Variants in FAM222B observed in about 807,000 individuals in gnomAD.
The protein encoded by FAM222B is protein FAM222B.
FAM222B carries 12 observed loss-of-function variants against 38.0 expected under a neutral mutation model. The observed-to-expected ratio is 0.32, with a 90% CI of 0.20 to 0.51. FAM222B has a LOEUF of 0.51. FAM222B is among the 20% of genes least tolerant of loss of function. The probability of loss-of-function intolerance (pLI) is 0.97; values close to 1 mark genes in which losing one functional copy is unlikely to be tolerated. For missense variants in FAM222B, 716 were observed against 754.2 expected (o/e 0.95, Z 0.59); for synonymous variants, 329 against 317.2 (o/e 1.04, Z -0.40).
intron 1 of FAM222B, among the ~76,000 whole-genome samples, chr17:28,770,432 A>G (rs1177687715): frequency 2.0e-5 from 3 of 152,136 alleles, no homozygotes; most frequent in Admixed American, 2.0e-4. Flanking sequence ...TTTTCTTCAG[A>G]CAGCCTATCA....
intron 1 of FAM222B, among the ~76,000 whole-genome samples, chr17:28,852,790 G>A (rs1263671692): frequency 6.6e-6 from 1 of 152,162 alleles, no homozygotes; most frequent in African/African-American, 2.4e-5. Context: ...CAAGCATGGT[G>A]TCTCATGCCT....
chr17:28,775,181 A>T (rs2035827199), intron 1 of FAM222B, among the ~76,000 whole-genome samples: 1 of 151,392 alleles, frequency 6.6e-6, no homozygotes, highest in South Asian at 2.1e-4. Context: ...TTGTATTTTT[A>T]GTACAAACAG....
At chr17:28,808,198 T>C (rs1318841454) in intron 1 of FAM222B, among the ~76,000 whole-genome samples, 1 of 152,212 alleles carries the variant, frequency 6.6e-6, no homozygotes, top group African/African-American at 2.4e-5. Context: ...ATTGCCCTAT[T>C]AGTTACAAAA....
At chr17:28,789,110 C>A (rs1174833936) in intron 1 of FAM222B, among the ~76,000 whole-genome samples, 2 of 146,768 alleles carry the variant, frequency 1.4e-5, no homozygotes, top group Admixed American at 1.4e-4. Context: ...AAAACTAACA[C>A]CCCCCCGACA....
Position 28,791,001 on chromosome 17 carries a change from C to T in FAM222B, c.-40-24294G>A, listed in dbSNP as rs2036658303. Among the ~76,000 whole-genome samples the T allele has an allele frequency of 2.7e-5, 4 of 148,210 alleles. No individual in the cohort carries two copies. The Admixed American group carries it at 2.8e-4, about 10-fold the overall frequency. Reference sequence around the variant, plus strand: ...GCAAGCTCCGCCTCCCAGGTCCACGCCATTCTCCTGCCTGAGCCTCCTGAG... The same window carrying T: ...GCAAGCTCCGCCTCCCAGGTCCACGTCATTCTCCTGCCTGAGCCTCCTGAG... On this transcript the variant is annotated intron_variant, in intron 1 of 2. Coordinates refer to ENST00000581407, the MANE Select transcript of FAM222B (RefSeq NM_001077498.3).
chr17:28,766,412 G>A (rs560731862), intron 2 of FAM222B, among the ~76,000 whole-genome samples, 174 bp downstream of exon 2: 4 of 151,438 alleles, frequency 2.6e-5, no homozygotes, highest in Non-Finnish European at 4.4e-5. Flanking sequence ...AATCAAGATC[G>A]CGTCATTGCA....
At chr17:28,823,813 C>A (rs930622912) in intron 1 of FAM222B, among the ~76,000 whole-genome samples, 2 of 152,002 alleles carry the variant, frequency 1.3e-5, no homozygotes, top group Admixed American at 1.3e-4. Flanking sequence ...ATCCAACTGC[C>A]TATCTAATTT....
intron 1 of FAM222B, among the ~76,000 whole-genome samples, chr17:28,767,467 C>T (rs1597858442): frequency 6.7e-6 from 1 of 150,224 alleles, no homozygotes; most frequent in Non-Finnish European, 1.5e-5. Flanking sequence ...CATGAACTTA[C>T]ATTTATTTAC....
At chr17:28,851,551 G>A (rs1412785215) in intron 1 of FAM222B, among the ~76,000 whole-genome samples, 1 of 151,162 alleles carries the variant, frequency 6.6e-6, no homozygotes, top group Non-Finnish European at 1.5e-5. Flanking sequence ...AGACCAACCT[G>A]GGCAACATGG....
chr17:28,813,622 G>C (rs951883953), intron 1 of FAM222B, among the ~76,000 whole-genome samples: 1 of 151,694 alleles, frequency 6.6e-6, no homozygotes, highest in Admixed American at 6.6e-5. Flanking sequence ...CGCCTCCCAG[G>C]TTCATGCCAT....
chr17:28,809,378 G>T (rs1045392933), intron 1 of FAM222B, among the ~76,000 whole-genome samples: 3 of 151,280 alleles, frequency 2.0e-5, no homozygotes, highest in African/African-American at 4.9e-5. Flanking sequence ...AAGAGAGAGA[G>T]AGAGAAATGA....
chr17:28,778,697 GTATATATATA>G (rs1204895077), intron 1 of FAM222B, among the ~76,000 whole-genome samples: 1 of 45,346 alleles, frequency 2.2e-5, no homozygotes, highest in Non-Finnish European at 3.5e-5. Context: ...GTGTGTGTGT[GTATATATATA>G]TATATATATA....
chr17:28,796,994 CTTTTTTTTTTTTTTTTT>C (rs34242589), intron 1 of FAM222B, among the ~76,000 whole-genome samples: 1 of 81,606 alleles, frequency 1.2e-5, no homozygotes, highest in Non-Finnish European at 2.3e-5. Context: ...GTGGCTATTG[CTTTTTTTTTTTTTTTTT>C]TTTTTTTTGA....
intron 1 of FAM222B, among the ~76,000 whole-genome samples, chr17:28,772,011 GGC>G (rs1261747719): frequency 6.6e-6 from 1 of 152,080 alleles, no homozygotes; most frequent in Non-Finnish European, 1.5e-5. Flanking sequence ...GAGCCAAGAT[GGC>G]GCCACTGAGC....
At chr17:28,785,810 C>T (rs1381413716) in intron 1 of FAM222B, among the ~76,000 whole-genome samples, 3 of 151,950 alleles carry the variant, frequency 2.0e-5, no homozygotes, top group African/African-American at 7.3e-5. Context: ...CAGGTTCAAA[C>T]GATTCTCCTG....
rs1376124150 is a variant in FAM222B at position 28,824,176 on chromosome 17, C to T, written c.-41+18506G>A. 6.6e-5 allele frequency among the ~76,000 whole-genome samples: 10 copies of T among 150,586 alleles called. 1 individual carries two copies. The South Asian group carries it at 1.3e-3, about 19-fold the overall frequency. Reference sequence around the variant, plus strand: ...AAAGGCGTGAGCCACCACGCCCGGCCGAGAATTTTTTTTTTTTTTTTAATT... The same window carrying T: ...AAAGGCGTGAGCCACCACGCCCGGCTGAGAATTTTTTTTTTTTTTTTAATT... On this transcript the variant is annotated intron_variant, in intron 1 of 2. Transcript: ENST00000581407.
intron 1 of FAM222B, chr17:28,854,894 A>G (rs1469296611): frequency 3.4e-6 from 3 of 881,244 alleles, no homozygotes. Context: ...CTCCAGAGCA[A>G]TTCCTCCTCC....
rs190855056 is a variant in FAM222B, at chr17:28,781,361, C to A, written c.-40-14654G>T. ...CATCAACTCACACCTGTCAGAATGG[C>A]TATTAAAATATATATATATATATAA... On this transcript the variant is annotated intron_variant, in intron 1 of 2. Transcript: ENST00000581407. 2.1e-3 allele frequency among the ~76,000 whole-genome samples: 316 copies of A among 151,156 alleles called. 1 individual carries two copies. The highest frequency in any genetic ancestry group is 0.01 in the Middle Eastern group (3 of 294).
chr17:28,794,191 ACAGCAC>A (rs1161249485), intron 1 of FAM222B, among the ~76,000 whole-genome samples: 6 of 151,582 alleles, frequency 4.0e-5, no homozygotes, highest in Non-Finnish European at 5.9e-5. Flanking sequence ...AAATCTAATA[ACAGCAC>A]CAGCTGGAAT....
Sources: allele counts gnomAD v4.1 joint callset (sites outside exome capture counted in the v4.1 genomes callset), GRCh38; gene constraint gnomAD v4.1.1; transcripts MANE v1.5; gene names NCBI Gene and HGNC (gene_info 2026-07-23, HGNC 2026-07-21).